LRP1B: variants seen among roughly 807,000 people sequenced by gnomAD.
LRP1B encodes the protein low-density lipoprotein receptor-related protein 1B.
LRP1B carries 217 observed loss-of-function variants against 556.6 expected under a neutral mutation model. The observed-to-expected ratio is 0.39, with a 90% CI of 0.35 to 0.44. The LOEUF is 0.44. LRP1B is among the 20% of genes least tolerant of loss of function. The pLI is 1.00. For missense variants in LRP1B, 5,053 were observed against 5,620.8 expected (o/e 0.90, Z 3.23); for synonymous variants, 2,047 against 1,865.8 (o/e 1.10, Z -2.50).
chr2:140,778,003 T>G (rs1436979889), intron 32 of LRP1B, among the ~76,000 whole-genome samples: 1 of 152,144 alleles, frequency 6.6e-6, no homozygotes, highest in East Asian at 1.9e-4. Flanking sequence ...AATTCACTAC[T>G]GCCATGCACT....
chr2:141,621,129 C>T (rs1461400818), intron 2 of LRP1B, among the ~76,000 whole-genome samples: 1 of 152,108 alleles, frequency 6.6e-6, no homozygotes, highest in East Asian at 1.9e-4. Flanking sequence ...CTCCAACCCT[C>T]ATATGTTTTA....
chr2:140,634,235 A>T (rs1051678591), intron 41 of LRP1B, among the ~76,000 whole-genome samples: 3 of 152,158 alleles, frequency 2.0e-5, no homozygotes, highest in African/African-American at 7.2e-5. Context: ...CATTTGATAA[A>T]ATCCAACACC....
chr2:140,264,922 A>C (rs1682130591), intron 86 of LRP1B, among the ~76,000 whole-genome samples: 1 of 151,502 alleles, frequency 6.6e-6, no homozygotes, highest in Non-Finnish European at 1.5e-5. Context: ...TATTTGACCC[A>C]CAGACACCTA....
At chr2:141,597,231 C>T (rs1448579363) in intron 2 of LRP1B, among the ~76,000 whole-genome samples, 3 of 151,930 alleles carry the variant, frequency 2.0e-5, no homozygotes, top group African/African-American at 7.2e-5. Context: ...TGGGTTTTCT[C>T]TCTACTTTCT....
At chr2:140,410,622 A>C (rs796795368) in intron 66 of LRP1B, among the ~76,000 whole-genome samples, 47 of 152,276 alleles carry the variant, frequency 3.1e-4, no homozygotes, top group African/African-American at 1.1e-3. Flanking sequence ...TTCTCATTTT[A>C]ATACAACCAT....
intron 3 of LRP1B, among the ~76,000 whole-genome samples, chr2:141,410,877 A>G (rs1690825802): frequency 6.6e-6 from 1 of 152,018 alleles, no homozygotes; most frequent in South Asian, 2.1e-4. Flanking sequence ...AAGCTGTAAC[A>G]CAATGATAAT....
chr2:140,585,788 A>T (rs1681960079), intron 43 of LRP1B, among the ~76,000 whole-genome samples: 1 of 152,204 alleles, frequency 6.6e-6, no homozygotes, highest in East Asian at 1.9e-4. Flanking sequence ...TTATCATTAA[A>T]GACAATAAAA....
At chr2:140,373,300 G>A (rs559589405) in intron 68 of LRP1B, among the ~76,000 whole-genome samples, 163 bp from the exon 69 acceptor site, 15 of 152,174 alleles carry the variant, frequency 9.9e-5, no homozygotes, top group East Asian at 3.9e-4. Context: ...TTAAAATTGC[G>A]TTTTTAGAAA....
intron 31 of LRP1B, among the ~76,000 whole-genome samples, chr2:140,824,385 C>A (rs555587237): frequency 9.2e-5 from 14 of 152,056 alleles, no homozygotes; most frequent in African/African-American, 3.4e-4. Flanking sequence ...TTTTTGATTT[C>A]ATCTTTATTC....
rs1683314935 is a variant in LRP1B at position 141,491,037 on chromosome 2, C to T, written c.206-10504G>A. On this transcript the variant is annotated intron_variant, in intron 2 of 90. Coordinates refer to ENST00000389484, the MANE Select transcript of LRP1B (RefSeq NM_018557.3). ...TGATACATGTGCATTAAACAGGATT[C>T]TTATGAAAACAATGAATCAGTCCTA... Among the ~76,000 whole-genome samples, 3 of 150,214 alleles carry T rather than the reference C, an allele frequency of 2.0e-5. 1 individual carries two copies. In the South Asian group the frequency reaches 6.3e-4, roughly 31 times the overall value.
intron 15 of LRP1B, among the ~76,000 whole-genome samples, chr2:140,997,895 C>A (rs976761483): frequency 6.6e-6 from 1 of 151,916 alleles, no homozygotes; most frequent in Admixed American, 6.6e-5. Context: ...AGCAGGATGA[C>A]CTTTCATTAC....
At chr2:141,649,358 T>C (rs1422944209) in intron 2 of LRP1B, among the ~76,000 whole-genome samples, 1 of 152,182 alleles carries the variant, frequency 6.6e-6, no homozygotes, top group Non-Finnish European at 1.5e-5. Flanking sequence ...CTTAGCAAAT[T>C]CAAAACCAAG....
At chr2:141,312,887 G>A in intron 3 of LRP1B, among the ~76,000 whole-genome samples, 1 of 152,028 alleles carries the variant, frequency 6.6e-6, no homozygotes, top group Admixed American at 6.6e-5. Context: ...CACCATGTTG[G>A]TCAGGCTGGT....
chr2:141,121,093 C>A (rs1701035766), intron 7 of LRP1B, among the ~76,000 whole-genome samples: 1 of 152,014 alleles, frequency 6.6e-6, no homozygotes, highest in African/African-American at 2.4e-5. Context: ...GGTGCATTTA[C>A]CACCTATGCG....
intron 3 of LRP1B, among the ~76,000 whole-genome samples, chr2:141,464,964 G>T (rs1366495300): frequency 6.6e-6 from 1 of 151,362 alleles, no homozygotes; most frequent in Non-Finnish European, 1.5e-5. Context: ...AAGGTTTTGG[G>T]TTTATTTGTG....
chr2:141,988,847 C>A (rs1702269819), intron 1 of LRP1B, among the ~76,000 whole-genome samples: 1 of 151,926 alleles, frequency 6.6e-6, no homozygotes, highest in South Asian at 2.1e-4. Flanking sequence ...ACTCTCATTT[C>A]CCACTTTAGA....
At chr2:141,179,793 G>A (rs767496896) in intron 7 of LRP1B, among the ~76,000 whole-genome samples, 8 of 151,570 alleles carry the variant, frequency 5.3e-5, no homozygotes, top group Non-Finnish European at 1.2e-4. Context: ...AGAGTCTGGG[G>A]CTCAAGGGAA....
intron 1 of LRP1B, among the ~76,000 whole-genome samples, chr2:141,870,721 G>A (rs1698557794): frequency 6.6e-6 from 1 of 151,798 alleles, no homozygotes; most frequent in Non-Finnish European, 1.5e-5. Context: ...GTCATAGGAT[G>A]GGATATGTCA....
intron 3 of LRP1B, among the ~76,000 whole-genome samples, chr2:141,335,978 C>G (rs999923469): frequency 3.3e-5 from 5 of 151,998 alleles, no homozygotes; most frequent in African/African-American, 9.7e-5. Context: ...TTTACTTGTC[C>G]TTTGTGACTT....
Sources: allele counts gnomAD v4.1 joint callset (sites outside exome capture counted in the v4.1 genomes callset), GRCh38; gene constraint gnomAD v4.1.1; transcripts MANE v1.5; gene names NCBI Gene and HGNC (gene_info 2026-07-23, HGNC 2026-07-21).